Variants in MFN2 observed in about 807,000 individuals in gnomAD.
The protein encoded by MFN2 is mitofusin-2.
A neutral mutation model predicts 87.5 loss-of-function variants in MFN2; 43 were observed. That is an observed-to-expected ratio of 0.49 (90% CI 0.38 to 0.63). The LOEUF is 0.63. Ranked by LOEUF, MFN2 falls within the 30% of genes least tolerant of loss-of-function variation. The pLI, the probability that MFN2 is intolerant of heterozygous loss-of-function variation, is 0.00. For synonymous variants in MFN2, 337 were observed against 359.9 expected (o/e 0.94, Z 0.72); for missense variants, 743 against 972.8 (o/e 0.76, Z 3.14).
In MFN2 at chr1:11,997,952, C is replaced by T. The variant is rs191223216; in HGVS notation, c.599+531C>T. Among the ~76,000 whole-genome samples, 179 of 130,964 alleles carry T rather than the reference C, an allele frequency of 1.4e-3. 1 individual carries two copies. Among genetic ancestry groups the T allele is most frequent in the Middle Eastern group, 5.4e-3 (1 of 184 alleles). The allele number at this position is 130,964 out of a possible 152,430, so 85.9% of individuals were successfully genotyped here. ...AGGCTGGAGTGCAGTGGTGCAGTCT[C>T]GGCTCACTGCAACCTCCGCCTCCCG... On this transcript the variant is annotated intron_variant, in intron 6 of 18. Coordinates refer to ENST00000235329, the MANE Select transcript of MFN2 (RefSeq NM_014874.4).
intron 5 of MFN2, among the ~76,000 whole-genome samples, chr1:11,996,582 T>C (rs1175313723): frequency 5.3e-5 from 8 of 152,194 alleles, no homozygotes; most frequent in African/African-American, 1.9e-4. Context: ...TCTTCACTAA[T>C]TAAGGAAGAC....
At position 12,001,852 on chromosome 1, in the gene MFN2, C is replaced by G. The variant is rs2100840444; in HGVS notation, c.1038+16C>G. 1.9e-6 allele frequency: 3 copies of G among 1,614,050 alleles called. No individual in the cohort carries two copies. The highest frequency in any genetic ancestry group is 1.1e-5 in the South Asian group (1 of 91,072). ...GAGATTTGAGGTGAGTCCTCTGATT[C>G]TGGTATCTGGCGATTCTGTGCCTCC... On this transcript the variant is annotated intron_variant, in intron 10 of 18. Transcript: ENST00000235329.
At position 12,004,151 on chromosome 1, in the gene MFN2, T is replaced by C. The variant is rs745924970; in HGVS notation, c.1287+33T>C. On this transcript the variant is annotated intron_variant, in intron 12 of 18. Transcript: ENST00000235329. This position sits in a 1 kb window ranked among gnomAD's most constrained non-coding sequence, Gnocchi z 4.2. ...ATGAGGAGGAGGCATTCTGGGAAGA[T>C]TTGGACTCCGAGTAGAGTCCAGAAG... 4 of 1,613,124 alleles carry C rather than the reference T, an allele frequency of 2.5e-6. No homozygotes were observed. Among genetic ancestry groups the C allele is most frequent in the Non-Finnish European group, 3.4e-6 (4 of 1,179,960 alleles).
intron 4 of MFN2, among the ~76,000 whole-genome samples, chr1:11,993,531 C>T (rs890836298): frequency 1.9e-4 from 29 of 151,974 alleles, no homozygotes; most frequent in African/African-American, 3.6e-4. Flanking sequence ...GTCAGGAGAT[C>T]GAGACCATCC....
rs1553145409 is a variant in MFN2, at chr1:12,006,678, T to A, written c.1857T>A (p.Leu619=). ...SLTSRTSMGI[L]VVGGVVWKAV... Reference sequence around the variant, plus strand: ...CATCCAGGACCTCCATGGGCATTCTTGTTGTTGGAGGAGTGGTCAGTGACC... The same window carrying A: ...CATCCAGGACCTCCATGGGCATTCTAGTTGTTGGAGGAGTGGTCAGTGACC... Residue 619 remains leucine (L), a synonymous_variant, in exon 16 of 19, where the codon CTT becomes CTA. Transcript: ENST00000235329. 6.2e-7 allele frequency: 1 copy of A among 1,613,390 alleles called. No homozygotes were observed. The highest frequency in any genetic ancestry group is 8.5e-7 in the Non-Finnish European group (1 of 1,179,834).
At chr1:11,989,936 A>C in intron 3 of MFN2, among the ~76,000 whole-genome samples, 1 of 152,034 alleles carries the variant, frequency 6.6e-6, no homozygotes, top group Non-Finnish European at 1.5e-5. Flanking sequence ...CTGAGTGTCA[A>C]CTCCAGCACT....
At chr1:11,989,479 A>C in intron 3 of MFN2, 136 bp downstream of exon 3, 2 of 1,019,890 alleles carry the variant, frequency 2.0e-6, no homozygotes, top group Middle Eastern at 3.2e-4. Flanking sequence ...TCTGCTCTTG[A>C]AATCATGTGG....
chr1:11,996,211 C>T lies in MFN2; in HGVS notation c.367C>T (p.Pro123Ser), dbSNP rs1638899691. The change falls in exon 5 of 19, where the codon CCC becomes TCC. Residue 123 changes from proline (P) to serine (S), a missense_variant. Physicochemically the swap from Pro to Ser is moderately conservative, Grantham distance 74 (BLOSUM62 -1). Transcript: ENST00000235329. ...INAMLWDKVL[P>S]SGIGHTTNCF... The stretch of plus-strand genomic sequence containing the variant: ...TGCCATGCTCTGGGACAAAGTTCTG[C>T]CCTCTGGGATTGGCCACACCACCAA... The T allele has an allele frequency of 1.2e-6, 2 of 1,614,094 alleles. No individual in the cohort carries two copies. The highest frequency in any genetic ancestry group is 1.7e-6 in the Non-Finnish European group (2 of 1,180,042).
intron 6 of MFN2, among the ~76,000 whole-genome samples, chr1:11,998,545 A>G (rs1174952826): frequency 1.0e-5 from 1 of 99,944 alleles, no homozygotes; most frequent in Non-Finnish European, 2.2e-5. Flanking sequence ...AAGACTCTAT[A>G]TCCAAAAACA....
At chr1:12,008,610 GGTT>G (rs1639544063) in intron 17 of MFN2, among the ~76,000 whole-genome samples, 1 of 151,688 alleles carries the variant, frequency 6.6e-6, no homozygotes, top group African/African-American at 2.4e-5. Flanking sequence ...TCCTAGACGG[GGTT>G]GTGGCTGGGC....
chr1:11,984,247 C>G (rs1048805361), intron 2 of MFN2, among the ~76,000 whole-genome samples: 1 of 152,132 alleles, frequency 6.6e-6, no homozygotes, highest in Non-Finnish European at 1.5e-5. Context: ...AGTGGGGTAT[C>G]GCTGATCCTT....
intron 18 of MFN2, among the ~76,000 whole-genome samples, chr1:12,010,103 G>A (rs1318715635): frequency 2.6e-5 from 4 of 152,090 alleles, no homozygotes; most frequent in African/African-American, 7.2e-5. Flanking sequence ...GCAGTGAGCC[G>A]AGATTATGCC....
Position 12,004,695 on chromosome 1 carries a change from C to A in MFN2, c.1392+82C>A, listed in dbSNP as rs1639325947. On this transcript the variant is annotated intron_variant, in intron 13 of 18. Transcript: ENST00000235329. The surrounding 1 kb of genome is among the most constrained non-coding windows in gnomAD (Gnocchi z 4.2). ...CCTGTTGGTCTGGGTCAGGGCCCCC[C>A]AGCAGTGACAGTAGAAGCCACAGAG... is the stretch of plus-strand genomic sequence containing the variant. 1 of 1,506,870 alleles carries A rather than the reference C, an allele frequency of 6.6e-7. No individual in the cohort carries two copies. The highest frequency in any genetic ancestry group is 2.3e-5 in the East Asian group (1 of 44,352). 93.3% of individuals were successfully genotyped at this position (1,506,870 alleles called of 1,614,324 possible).
At chr1:11,997,145 C>A in intron 5 of MFN2, 152 bp from the exon 6 acceptor site, 1 of 1,153,574 alleles carries the variant, frequency 8.7e-7, no homozygotes, top group Non-Finnish European at 1.2e-6. Context: ...TTCTTATTGA[C>A]AACTCCCAGC....
At chr1:11,994,906 CTG>C (rs1293180630) in intron 4 of MFN2, among the ~76,000 whole-genome samples, 4 of 152,168 alleles carry the variant, frequency 2.6e-5, no homozygotes, top group Non-Finnish European at 2.9e-5. Context: ...GTTGAAAGCT[CTG>C]AGACTCAGAG....
intron 8 of MFN2, 115 bp downstream of exon 8, chr1:11,999,210 C>A: frequency 1.2e-6 from 1 of 862,380 alleles, no homozygotes; most frequent in East Asian, 2.5e-5. Context: ...AATTTTATTG[C>A]CAAAGAATTC....
intron 4 of MFN2, among the ~76,000 whole-genome samples, 157 bp downstream of exon 4, chr1:11,992,847 A>C (rs1247851842): frequency 6.6e-6 from 1 of 151,770 alleles, no homozygotes; most frequent in Non-Finnish European, 1.5e-5. Flanking sequence ...TTTTTGAGAC[A>C]GGGTTCTCTG....
At chr1:11,999,837 G>A (rs1373212085) in intron 8 of MFN2, among the ~76,000 whole-genome samples, 1 of 149,824 alleles carries the variant, frequency 6.7e-6, no homozygotes, top group Admixed American at 6.7e-5. Context: ...GCTCACGCCT[G>A]TAATCCCAGC....
At chr1:11,983,400 A>G (rs1332008153) in intron 2 of MFN2, among the ~76,000 whole-genome samples, 31 of 152,164 alleles carry the variant, frequency 2.0e-4, no homozygotes, top group Admixed American at 2.0e-3. Flanking sequence ...AACTGATTCT[A>G]CTATTGAACC....
Sources: allele counts gnomAD v4.1 joint callset (sites outside exome capture counted in the v4.1 genomes callset), GRCh38; gene constraint gnomAD v4.1.1; non-coding constraint Gnocchi (gnomAD v3.1); transcripts MANE v1.5; gene names NCBI Gene and HGNC (gene_info 2026-07-23, HGNC 2026-07-21).